Variants in LRRD1 observed in about 807,000 individuals in gnomAD.
The protein encoded by LRRD1 is leucine rich repeats and death domain containing 1.
A neutral mutation model predicts 69.5 loss-of-function variants in LRRD1; 49 were observed. The ratio of observed to expected loss-of-function variants is 0.70; its 90% CI spans 0.56 to 0.89. The LOEUF is 0.89. LRRD1 is among the 40% of genes least tolerant of loss of function. The pLI is 0.00. For synonymous variants in LRRD1, 303 were observed against 338.9 expected, an observed-to-expected ratio of 0.89 and a Z score of 1.16; for missense variants, 853 against 956.0, an observed-to-expected ratio of 0.89 and a Z score of 1.42.
At chr7:92,147,838 T>C (rs149818506) in intron 4 of LRRD1, among the ~76,000 whole-genome samples, 3,163 of 152,142 alleles carry the variant, frequency 0.021, 44 homozygotes, top group Non-Finnish European at 0.03. Flanking sequence ...CTCAAGCGAC[T>C]CTCCCACTTC....
chr7:92,157,872 C>T (rs760948264), intron 3 of LRRD1, among the ~76,000 whole-genome samples: 15 of 151,984 alleles, frequency 9.9e-5, no homozygotes, highest in Admixed American at 3.9e-4. Context: ...CCACCATGCC[C>T]GGCCTAACTT....
At position 92,163,936 on chromosome 7, in the gene LRRD1, G is replaced by T; in HGVS notation, c.1267C>A (p.Leu423Ile). The T allele has an allele frequency of 6.5e-7, 1 of 1,537,934 alleles. No homozygotes were observed. The highest frequency in any genetic ancestry group is 1.2e-5 in the South Asian group (1 of 81,936). Reference sequence around the variant, plus strand: ...ACCATATTATTTCTGTTTACATGGAGTTTTCTTAAATTGTTAAGCTTATGG... The same window carrying T: ...ACCATATTATTTCTGTTTACATGGATTTTTCTTAAATTGTTAAGCTTATGG... ...YIHKLNNLRKLHVNRNNMVKI... is the reference protein window; with the variant it reads ...YIHKLNNLRKIHVNRNNMVKI... The change falls in exon 2 of 6, where the codon CTC (leucine) becomes ATC (isoleucine). Residue 423 changes from leucine to isoleucine, a missense_variant. Transcript: ENST00000458448.
intron 3 of LRRD1, among the ~76,000 whole-genome samples, chr7:92,155,518 G>A (rs866716059): frequency 2.5e-4 from 38 of 152,300 alleles, no homozygotes; most frequent in African/African-American, 8.2e-4. Flanking sequence ...TGACCACATA[G>A]TGGTCAGTCA....
rs554334321 is a variant in LRRD1, at chr7:92,165,115, G to C, written c.88C>G (p.Pro30Ala). 10 of 1,551,212 alleles carry C rather than the reference G, an allele frequency of 6.4e-6. No homozygotes were observed. The Admixed American group carries it at 9.8e-5, about 15-fold the overall frequency. The part of the protein sequence containing the change: ...KESRSQSMKE[P>A]GFIKETSNLI... ...TTTGATGTTTCTTTAATAAAGCCAG[G>C]CTCCTTCATTGACTGTGATCTAGAT... Residue 30 changes from proline (P) to alanine (A), a missense_variant, in exon 2 of 6, where the codon CCT becomes GCT. Around this residue, in one of 3 missense-constraint regions of LRRD1, gnomAD observed 99 missense variants for 107.0 expected, o/e 0.92. Coordinates refer to ENST00000458448, the MANE Select transcript of LRRD1 (RefSeq NM_001161528.2).
intron 3 of LRRD1, among the ~76,000 whole-genome samples, chr7:92,151,010 T>C (rs1397832332): frequency 5.9e-5 from 9 of 152,244 alleles, no homozygotes; most frequent in South Asian, 4.1e-4. Flanking sequence ...TTTTGATTCA[T>C]AGAAATGTTG....
intron 4 of LRRD1, among the ~76,000 whole-genome samples, chr7:92,150,124 A>G (rs1399883752): frequency 6.6e-6 from 1 of 152,234 alleles, no homozygotes; most frequent in Non-Finnish European, 1.5e-5. Flanking sequence ...TATCTCTGCC[A>G]GATTGAAAGC....
downstream of LRRD1, among the ~76,000 whole-genome samples, chr7:92,144,078 A>G (rs138140943): frequency 7.2e-3 from 1,089 of 152,300 alleles, 15 homozygotes; most frequent in African/African-American, 0.024. Flanking sequence ...GACAGACAAG[A>G]CAACAGATGG....
In LRRD1 at chr7:92,164,870, C is replaced by CTGAT; in HGVS notation, c.329_332dup (p.Ala112SerfsTer5). Reference sequence around the variant, plus strand: ...CATGAGATAGGAAGTTAACCAAAGCCTGATATTCTGCAGTCCTCCCAGTTA... The same window carrying CTGAT: ...CATGAGATAGGAAGTTAACCAAAGCCTGATTGATATTCTGCAGTCCTCCCAGTTA... On this transcript the variant is annotated frameshift_variant, in exon 2 of 6. Transcript: ENST00000458448. LOFTEE classifies it high-confidence loss of function. 1 of 1,551,604 alleles carries CTGAT rather than the reference C, an allele frequency of 6.4e-7. No homozygotes were observed. Among genetic ancestry groups the CTGAT allele is most frequent in the South Asian group, 1.2e-5 (1 of 84,064 alleles).
At chr7:92,169,365 C>A (rs1365223700) in intron 1 of LRRD1, among the ~76,000 whole-genome samples, 1 of 151,444 alleles carries the variant, frequency 6.6e-6, no homozygotes, top group Non-Finnish European at 1.5e-5. Flanking sequence ...AATGTTGGAA[C>A]TGAGAGGCTG....
rs1300198163 is a variant in LRRD1 at position 92,144,859 on chromosome 7, G to C, written c.*29C>G. The C allele has an allele frequency of 2.9e-6, 4 of 1,367,830 alleles. No homozygotes were observed. Among genetic ancestry groups the C allele is most frequent in the Non-Finnish European group, 3.9e-6 (4 of 1,022,680 alleles). The allele number at this position is 1,367,830 out of a possible 1,614,324, so 84.7% of individuals were successfully genotyped here. On this transcript the variant is annotated 3_prime_UTR_variant, in exon 6 of 6. Transcript: ENST00000458448. Reference sequence around the variant, plus strand: ...AGTTTCAATTATAAGTGCATCAAAAGTTTTCAGTTTTTATTATTGATCCAC... The same window carrying C: ...AGTTTCAATTATAAGTGCATCAAAACTTTTCAGTTTTTATTATTGATCCAC...
In LRRD1 at chr7:92,159,173, T is replaced by C; in HGVS notation, c.1948A>G (p.Met650Val). 1 of 1,528,390 alleles carries C rather than the reference T, an allele frequency of 6.5e-7. No homozygotes were observed. The highest frequency in any genetic ancestry group is 1.3e-5 in the South Asian group (1 of 79,500). The allele number at this position is 1,528,390 out of a possible 1,614,324, so 94.7% of individuals were successfully genotyped here. ...LTRLPGELSN[M>V]TQLKELDISN... ...ATATCAAGTTCTTTAAGTTGAGTCA[T>C]ATTAGATAGCTCTCCTGGAAGTCTT... The change falls in exon 3 of 6, where the codon ATG becomes GTG. Residue 650 changes from methionine (M) to valine (V), a missense_variant. Physicochemically the swap from Met to Val is conservative, Grantham distance 21. Around this residue, in one of 3 missense-constraint regions of LRRD1, gnomAD observed 739 missense variants for 808.0 expected, o/e 0.91. Coordinates refer to ENST00000458448, the MANE Select transcript of LRRD1 (RefSeq NM_001161528.2).
At position 92,150,515 on chromosome 7, in the gene LRRD1, T is replaced by A; in HGVS notation, c.2278+19A>T. On this transcript the variant is annotated intron_variant, in intron 4 of 5. Transcript: ENST00000458448. ...AAAAAAGAAATGACTTGTTAGATAG[T>A]CAATCACTCATCACCTACCATCTCT... The A allele has an allele frequency of 6.7e-7, 1 of 1,489,658 alleles. No individual in the cohort carries two copies. Among genetic ancestry groups the A allele is most frequent in the Non-Finnish European group, 8.9e-7 (1 of 1,117,324 alleles). 92.3% of individuals were successfully genotyped at this position (1,489,658 alleles called of 1,614,324 possible). A position where few individuals can be genotyped will look rare whatever the true frequency, so the allele number is the denominator to read the frequency against.
intron 3 of LRRD1, among the ~76,000 whole-genome samples, chr7:92,158,404 T>A (rs1205065742): frequency 6.6e-6 from 1 of 152,016 alleles, no homozygotes; most frequent in African/African-American, 2.4e-5. Context: ...TGTGTATATA[T>A]GTGTATATAT....
Position 92,176,611 on chromosome 7 carries a change from T to G in LRRD1, c.-75+2396A>C, listed in dbSNP as rs543308720. ...CAAAGTCTTGCTCTGTTGCCCAGAC[T>G]GGAGTGCAGTGGTGCAATCTCGGCT... On this transcript the variant is annotated intron_variant, in intron 1 of 5. Transcript: ENST00000458448. Among the ~76,000 whole-genome samples, 15 of 151,632 alleles carry G rather than the reference T, an allele frequency of 9.9e-5. No homozygotes were observed. The East Asian group carries it at 1.6e-3, about 16-fold the overall frequency.
intron 3 of LRRD1, among the ~76,000 whole-genome samples, chr7:92,152,186 T>C (rs192096583): frequency 3.2e-5 from 4 of 126,272 alleles, no homozygotes; most frequent in Non-Finnish European, 6.7e-5. Flanking sequence ...ATATTTATTA[T>C]AAACCTAGAA....
At chr7:92,143,640 G>A (rs1448231791), downstream of LRRD1, among the ~76,000 whole-genome samples, 9 of 152,138 alleles carry the variant, frequency 5.9e-5, no homozygotes, top group African/African-American at 1.9e-4. Flanking sequence ...CCGAGCCCAC[G>A]CGCACCCGGA....
rs1788905026 is a variant in LRRD1, at chr7:92,166,184, G to T, written c.-74-908C>A. On this transcript the variant is annotated intron_variant, in intron 1 of 5. Coordinates refer to ENST00000458448, the MANE Select transcript of LRRD1 (RefSeq NM_001161528.2). ...CCTCAGAGGTCTGGGTCCCAGCTCT[G>T]TAAGTCCCTCCTTCAAGCTTGCAGT... Among the ~76,000 whole-genome samples the T allele has an allele frequency of 2.0e-5, 3 of 152,324 alleles. No homozygotes were observed. In the Middle Eastern group the frequency reaches 0.01, roughly 518 times the overall value.
intron 1 of LRRD1, among the ~76,000 whole-genome samples, chr7:92,169,401 C>T (rs1158571294): frequency 6.6e-6 from 1 of 151,688 alleles, no homozygotes; most frequent in East Asian, 1.9e-4. Flanking sequence ...GTCTGTAATC[C>T]CAGCACTTTG....
intron 1 of LRRD1, among the ~76,000 whole-genome samples, chr7:92,175,866 G>T (rs1201336740): frequency 6.6e-6 from 1 of 152,144 alleles, no homozygotes; most frequent in African/African-American, 2.4e-5. Flanking sequence ...TTTTTCAATA[G>T]TAAATTATTC....
Sources: allele counts gnomAD v4.1 joint callset (sites outside exome capture counted in the v4.1 genomes callset), GRCh38; gene constraint gnomAD v4.1.1; regional missense constraint gnomAD v4.1.1; transcripts MANE v1.5; gene names NCBI Gene and HGNC (gene_info 2026-07-23, HGNC 2026-07-21).